YEATS2: variants seen among roughly 807,000 people sequenced by gnomAD.
The protein encoded by YEATS2 is YEATS domain-containing protein 2.
YEATS2 carries 77 observed loss-of-function variants against 163.2 expected under a neutral mutation model. The observed-to-expected ratio is 0.47, with a 90% confidence interval of 0.39 to 0.57. YEATS2 has a LOEUF of 0.57. Ranked by LOEUF, YEATS2 falls within the 20% of genes least tolerant of loss-of-function variation. YEATS2 has a pLI of 0.00. For synonymous variants in YEATS2, 631 were observed against 645.1 expected (o/e 0.98, Z 0.33); for missense variants, 1,549 against 1,729.8 (o/e 0.90, Z 1.85).
At position 183,756,698 on chromosome 3, in the gene YEATS2, T is replaced by A. The variant is rs372498252; in HGVS notation, c.1552+9T>A. The A allele has an allele frequency of 1.3e-6, 2 of 1,509,344 alleles. No individual in the cohort carries two copies. The highest frequency in any genetic ancestry group is 1.8e-6 in the Non-Finnish European group (2 of 1,127,744). 93.5% of individuals were successfully genotyped at this position (1,509,344 alleles called of 1,614,324 possible). Reference sequence around the variant, plus strand: ...CACCACTCCCAGTACAGGTGTGTATTAGATCCATATTTGTACCATCTAAAG... The same window carrying A: ...CACCACTCCCAGTACAGGTGTGTATAAGATCCATATTTGTACCATCTAAAG... On this transcript the variant is annotated intron_variant, in intron 12 of 30. Transcript: ENST00000305135.
At chr3:183,754,044 A>C in intron 10 of YEATS2, 82 bp from the exon 11 acceptor site, 13 of 1,451,214 alleles carry the variant, frequency 9.0e-6, no homozygotes, top group Non-Finnish European at 1.2e-5. Flanking sequence ...GAAATAATGC[A>C]TTTTTATTCT....
Position 183,762,236 on chromosome 3 carries a change from C to T in YEATS2, c.1904C>T (p.Pro635Leu). Residue 635 changes from proline to leucine, a missense_variant, in exon 15 of 31, where the codon CCT (proline) becomes CTT (leucine). Pro to Leu is a moderately conservative substitution (Grantham distance 98). Coordinates refer to ENST00000305135, the MANE Select transcript of YEATS2 (RefSeq NM_018023.5). ...TCCCCTCAAAAACAGGTCATAACTCCTGGAGAAGGGATTGCCCAGTCAGCA... is the reference window on the plus strand; with the variant it reads ...TCCCCTCAAAAACAGGTCATAACTCTTGGAGAAGGGATTGCCCAGTCAGCA... ...AVSPQKQVITPGEGIAQSAKV... is the reference protein window; with the variant it reads ...AVSPQKQVITLGEGIAQSAKV... 6.2e-7 allele frequency: 1 copy of T among 1,611,388 alleles called. No individual in the cohort carries two copies. Among genetic ancestry groups the T allele is most frequent in the East Asian group, 2.2e-5 (1 of 44,796 alleles).
chr3:183,740,647 G>A (rs1291910812), intron 8 of YEATS2, among the ~76,000 whole-genome samples: 1 of 152,250 alleles, frequency 6.6e-6, no homozygotes, highest in Admixed American at 6.5e-5. Context: ...AAAGTATGAA[G>A]CTAGCAGATG....
chr3:183,700,598 C>CTTTTTTT (rs748017835), intron 1 of YEATS2, among the ~76,000 whole-genome samples: 1 of 126,620 alleles, frequency 7.9e-6, no homozygotes, highest in Non-Finnish European at 1.6e-5. Context: ...TCTTTTCTTT[C>CTTTTTTT]TTTTTTTTTT....
intron 11 of YEATS2, among the ~76,000 whole-genome samples, chr3:183,756,257 G>C (rs745413661): frequency 2.2e-4 from 34 of 152,254 alleles, no homozygotes; most frequent in Middle Eastern, 6.8e-3. Flanking sequence ...AGTAGGTCAA[G>C]GATGGGACCA....
At chr3:183,709,536 T>C (rs1714968909) in intron 1 of YEATS2, among the ~76,000 whole-genome samples, 1 of 152,110 alleles carries the variant, frequency 6.6e-6, no homozygotes, top group Non-Finnish European at 1.5e-5. Context: ...GGTTTCACCA[T>C]GTTGGCCAGG....
At chr3:183,712,214 T>TTATGTTATGTTACA (rs1715312578) in intron 1 of YEATS2, among the ~76,000 whole-genome samples, 2 of 103,084 alleles carry the variant, frequency 1.9e-5, no homozygotes, top group African/African-American at 7.5e-5. Context: ...TTTATTTTAT[T>TTATGTTATGTTACA]TTATTTTATT....
At chr3:183,705,835 C>T (rs939786338) in intron 1 of YEATS2, among the ~76,000 whole-genome samples, 4 of 152,000 alleles carry the variant, frequency 2.6e-5, no homozygotes, top group African/African-American at 4.8e-5. Flanking sequence ...TTGAGGAGAT[C>T]GAGACCATCC....
intron 27 of YEATS2, chr3:183,806,293 G>A (rs1034758120): frequency 4.4e-6 from 2 of 456,054 alleles, no homozygotes; most frequent in Admixed American, 2.3e-5. Context: ...AAGGCCAGGA[G>A]CTGGGTGCCC....
At chr3:183,774,528 T>C (rs1722779345) in intron 17 of YEATS2, among the ~76,000 whole-genome samples, 1 of 152,144 alleles carries the variant, frequency 6.6e-6, no homozygotes, top group African/African-American at 2.4e-5. Context: ...TTACTTCTGC[T>C]AGGTTTGGAG....
At chr3:183,751,187 T>C (rs1266557331) in intron 9 of YEATS2, among the ~76,000 whole-genome samples, 1 of 152,254 alleles carries the variant, frequency 6.6e-6, no homozygotes, top group African/African-American at 2.4e-5. Context: ...CCTGGCACCA[T>C]TTGCTGAAAA....
intron 19 of YEATS2, among the ~76,000 whole-genome samples, chr3:183,781,915 A>AT (rs142688193): frequency 7.4e-5 from 11 of 149,044 alleles, no homozygotes; most frequent in African/African-American, 9.9e-5. Flanking sequence ...AAAAAAAAAA[A>AT]TTTTTTTTTT....
At chr3:183,726,775 G>A (rs1274641879) in intron 6 of YEATS2, among the ~76,000 whole-genome samples, 2 of 152,096 alleles carry the variant, frequency 1.3e-5, no homozygotes, top group African/African-American at 4.8e-5. Flanking sequence ...TCTCTTGAGG[G>A]TAGAAACTAT....
At chr3:183,727,147 T>G (rs1284393153) in intron 6 of YEATS2, among the ~76,000 whole-genome samples, 3 of 152,042 alleles carry the variant, frequency 2.0e-5, no homozygotes, top group African/African-American at 7.2e-5. Flanking sequence ...AAGTATTTGA[T>G]TGATGAATAC....
intron 10 of YEATS2, 40 bp from the exon 11 acceptor site, chr3:183,754,086 C>T (rs756047725): frequency 4.5e-5 from 67 of 1,497,308 alleles, no homozygotes; most frequent in African/African-American, 1.1e-4. Flanking sequence ...TATTTCAAAG[C>T]GATTGATGAC....
chr3:183,766,957 G>A (rs1014730394), intron 15 of YEATS2, among the ~76,000 whole-genome samples: 5 of 151,848 alleles, frequency 3.3e-5, no homozygotes, highest in Non-Finnish European at 7.4e-5. Flanking sequence ...TTATAAGCAT[G>A]AGCCACTGTG....
intron 4 of YEATS2, 70 bp from the exon 5 acceptor site, chr3:183,721,805 TAGATAAGGTTTTGGAG>T: frequency 6.6e-7 from 1 of 1,512,976 alleles, no homozygotes; most frequent in South Asian, 1.3e-5. Context: ...GATCCTGTAA[TAGATAAGGTTTTGGAG>T]AGATCAGATT....
intron 17 of YEATS2, among the ~76,000 whole-genome samples, chr3:183,774,797 A>G (rs10513796): frequency 0.028 from 4,294 of 152,294 alleles, 206 homozygotes; most frequent in African/African-American, 0.097. Flanking sequence ...GCGTTCATTG[A>G]CCATGATGTG....
In YEATS2 at chr3:183,801,476, C is replaced by A. The variant is rs755931595; in HGVS notation, c.3450C>A (p.Ile1150=). 6.2e-7 allele frequency: 1 copy of A among 1,610,220 alleles called. No homozygotes were observed. The highest frequency in any genetic ancestry group is 8.5e-7 in the Non-Finnish European group (1 of 1,178,364). Residue 1150 remains isoleucine, a synonymous_variant, in exon 25 of 31, where the codon ATC becomes ATA. Transcript: ENST00000305135. ...TCAGGATAGACCATTTAGAAACTAT[C>A]CAGCAACTCCTAACTGCAGTAGTAA... ...YVIKIDHLET[I]QQLLTAVVKK...
Sources: allele counts gnomAD v4.1 joint callset (sites outside exome capture counted in the v4.1 genomes callset), GRCh38; gene constraint gnomAD v4.1.1; transcripts MANE v1.5; gene names NCBI Gene and HGNC (gene_info 2026-07-23, HGNC 2026-07-21).